MAP3K3: variants seen among roughly 807,000 people sequenced by gnomAD.
MAP3K3 encodes MAP/ERK kinase kinase 3.
In MAP3K3, 12 loss-of-function variants were observed where a neutral mutation model predicts 80.9. That is an observed-to-expected ratio of 0.15 (90% CI 0.10 to 0.24). The LOEUF (loss-of-function observed/expected upper bound fraction) is 0.24. Ranked by LOEUF, MAP3K3 falls within the 10% of genes least tolerant of loss-of-function variation. The pLI is 1.00. For missense variants in MAP3K3, 596 were observed against 834.7 expected (o/e 0.71, Z 3.52); for synonymous variants, 272 against 307.1 (o/e 0.89, Z 1.19).
chr17:63,650,696 G>GAGAGAGAGAGA (rs752583799), intron 3 of MAP3K3, among the ~76,000 whole-genome samples: 2 of 112,484 alleles, frequency 1.8e-5, no homozygotes, highest in African/African-American at 7.4e-5. Context: ...GAGAGAGAGA[G>GAGAGAGAGAGA]TTTTTTTTTT....
intron 2 of MAP3K3, among the ~76,000 whole-genome samples, chr17:63,641,124 CTT>C (rs2034432971): frequency 6.6e-6 from 1 of 152,226 alleles, no homozygotes; most frequent in Admixed American, 6.5e-5. Context: ...GTTCTAATCA[CTT>C]TACCCAATTA....
intron 6 of MAP3K3, among the ~76,000 whole-genome samples, chr17:63,672,283 CAA>C (rs150268322): frequency 4.5e-4 from 21 of 46,550 alleles, no homozygotes; most frequent in Admixed American, 8.6e-4. Context: ...AACTCCATCT[CAA>C]AAAAAAAAAA....
intron 2 of MAP3K3, chr17:63,636,950 A>AG (rs2034339111): frequency 1.7e-6 from 1 of 592,264 alleles, no homozygotes; most frequent in Non-Finnish European, 3.2e-6. Flanking sequence ...GGGCTGGTCT[A>AG]GGGGGGCCTC....
In MAP3K3 at chr17:63,691,308, G is replaced by A. The variant is rs2035585814; in HGVS notation, c.1344+75G>A. 6.3e-7 allele frequency: 1 copy of A among 1,597,118 alleles called. No individual in the cohort carries two copies. Among genetic ancestry groups the A allele is most frequent in the Non-Finnish European group, 8.6e-7 (1 of 1,169,244 alleles). ...CTGGGGGCTGGGGCCTGCAGGAGGG[G>A]GGTCACCTTGGATAGGAGTTTGAAC... On this transcript the variant is annotated intron_variant, in intron 13 of 15. Transcript: ENST00000361733. The surrounding 1 kb of genome is among the most constrained non-coding windows in gnomAD (Gnocchi z 4.8).
intron 3 of MAP3K3, among the ~76,000 whole-genome samples, chr17:63,648,270 A>T (rs1012064701): frequency 2.6e-5 from 4 of 152,202 alleles, no homozygotes; most frequent in Non-Finnish European, 5.9e-5. Context: ...AATGCAGAAG[A>T]ATTTATCTCT....
In MAP3K3 at chr17:63,681,803, C is replaced by T. The variant is rs2035343250; in HGVS notation, c.540C>T (p.Gly180=). 2 of 1,545,244 alleles carry T rather than the reference C, an allele frequency of 1.3e-6. No individual in the cohort carries two copies. Among genetic ancestry groups the T allele is most frequent in the African/African-American group, 1.4e-5 (1 of 72,228 alleles). ...QNPGRSSPPP[G]YVPERQQHIA... The stretch of plus-strand genomic sequence containing the variant: ...CTGGCCGAAGCTCACCTCCCCCTGG[C>T]TATGTTCCTGAGCGGCAGCAGCACA... Residue 180 remains glycine (G), a synonymous_variant, in exon 7 of 16, where the codon GGC becomes GGT. Transcript: ENST00000361733.
In MAP3K3 at chr17:63,694,155, T is replaced by C. The variant is rs923635801; in HGVS notation, c.*378T>C. ...ACTGACGCCAGGGTATGAAGAGTGTTATTTTCATTCAAAGTGTTATTTTGT... is the reference window on the plus strand; with the variant it reads ...ACTGACGCCAGGGTATGAAGAGTGTCATTTTCATTCAAAGTGTTATTTTGT... On this transcript the variant is annotated 3_prime_UTR_variant, in exon 16 of 16. Transcript: ENST00000361733. 3 of 180,832 alleles carry C rather than the reference T, an allele frequency of 1.7e-5. No individual in the cohort carries two copies. In the East Asian group the frequency reaches 4.3e-4, roughly 26 times the overall value. The allele number at this position is 180,832 out of a possible 1,614,324, so 11.2% of individuals were successfully genotyped here. A position where few individuals can be genotyped will look rare whatever the true frequency, so the allele number is the denominator to read the frequency against.
Position 63,634,792 on chromosome 17 carries a change from G to T in MAP3K3, c.126+1990G>T, listed in dbSNP as rs1410430658. On this transcript the variant is annotated intron_variant, in intron 2 of 15. Transcript: ENST00000361733. ...CATGTGCAGGGGCCAGTGAGAAAAA[G>T]AAATTTTTGGTAAGGATCCAGATTA... 3.7e-6 allele frequency: 6 copies of T among 1,613,666 alleles called. No homozygotes were observed. The highest frequency in any genetic ancestry group is 4.2e-6 in the Non-Finnish European group (5 of 1,179,934).
Position 63,691,661 on chromosome 17 carries a change from G to C in MAP3K3, c.1345-72G>C. On this transcript the variant is annotated intron_variant, in intron 13 of 15. Transcript: ENST00000361733. This position sits in a 1 kb window ranked among gnomAD's most constrained non-coding sequence, Gnocchi z 4.8. ...AAATCACTCCTTTGCTGCCATGCTG[G>C]GGGCTGGAATGGGCTTGCCCCTCCA... The C allele has an allele frequency of 6.4e-7, 1 of 1,565,016 alleles. No homozygotes were observed. Among genetic ancestry groups the C allele is most frequent in the Non-Finnish European group, 8.7e-7 (1 of 1,150,288 alleles).
intron 5 of MAP3K3, among the ~76,000 whole-genome samples, chr17:63,664,312 T>C (rs1408901645): frequency 6.6e-6 from 1 of 151,034 alleles, no homozygotes; most frequent in Non-Finnish European, 1.5e-5. Flanking sequence ...GTAAATTTAA[T>C]TAAATCACCT....
chr17:63,693,621 C>T lies in MAP3K3; in HGVS notation c.1725C>T (p.Ala575=), dbSNP rs1470398886. Residue 575 remains alanine (A), a synonymous_variant, in exon 16 of 16, where the codon GCC becomes GCT. Transcript: ENST00000361733. The surrounding 1 kb of genome is among the most constrained non-coding windows in gnomAD (Gnocchi z 4.2). ...PPWAEYEAMA[A]IFKIATQPTN... is the part of the protein sequence containing the mutation. Reference sequence around the variant, plus strand: ...GGGCAGAGTATGAAGCTATGGCCGCCATCTTCAAGATTGCCACCCAGCCCA... The same window carrying T: ...GGGCAGAGTATGAAGCTATGGCCGCTATCTTCAAGATTGCCACCCAGCCCA... 1 of 1,610,444 alleles carries T rather than the reference C, an allele frequency of 6.2e-7. No homozygotes were observed. The highest frequency in any genetic ancestry group is 1.7e-4 in the Middle Eastern group (1 of 6,040).
chr17:63,669,472 C>CTTT (rs535427198), intron 6 of MAP3K3, among the ~76,000 whole-genome samples: 1 of 145,772 alleles, frequency 6.9e-6, no homozygotes, highest in African/African-American at 2.5e-5. Flanking sequence ...ATTATGTTGT[C>CTTT]TTTTTTTTTT....
intron 3 of MAP3K3, among the ~76,000 whole-genome samples, chr17:63,649,732 A>G (rs1216026254): frequency 6.6e-6 from 1 of 152,236 alleles, no homozygotes; most frequent in Non-Finnish European, 1.5e-5. Flanking sequence ...AGTTTAATCA[A>G]TTTAAATTTA....
Position 63,690,315 on chromosome 17 carries a change from C to G in MAP3K3, c.1115C>G (p.Ala372Gly), listed in dbSNP as rs759352927. Residue 372 changes from alanine to glycine, a missense_variant, in exon 12 of 16, where the codon GCC becomes GGC. Coordinates refer to ENST00000361733, the MANE Select transcript of MAP3K3 (RefSeq NM_002401.5). ...CGGGGAAAGCTCCTGGGCCAGGGTG[C>G]CTTCGGCAGGGTCTATTTGTGCTAT... ...WRRGKLLGQG[A>G]FGRVYLCYDV... is the part of the protein sequence containing the mutation. 6.2e-7 allele frequency: 1 copy of G among 1,614,184 alleles called. No homozygotes were observed. The highest frequency in any genetic ancestry group is 1.1e-5 in the South Asian group (1 of 91,080).
intron 6 of MAP3K3, among the ~76,000 whole-genome samples, chr17:63,673,251 T>C (rs1223916564): frequency 1.3e-5 from 2 of 152,210 alleles, no homozygotes; most frequent in South Asian, 2.1e-4. Context: ...TAAACACAGA[T>C]AAAATCTTTC....
At chr17:63,649,576 G>A (rs1385452163) in intron 3 of MAP3K3, among the ~76,000 whole-genome samples, 1 of 152,158 alleles carries the variant, frequency 6.6e-6, no homozygotes, top group African/African-American at 2.4e-5. Flanking sequence ...CACTGCCATA[G>A]CCAGGTAATT....
At chr17:63,683,022 G>A (rs1381592508) in intron 7 of MAP3K3, among the ~76,000 whole-genome samples, 2 of 152,218 alleles carry the variant, frequency 1.3e-5, no homozygotes, top group Admixed American at 1.3e-4. Context: ...CCAAGCATGA[G>A]ATCTCTAGCT....
intron 8 of MAP3K3, among the ~76,000 whole-genome samples, chr17:63,686,111 A>T (rs905090428): frequency 6.6e-6 from 1 of 152,136 alleles, no homozygotes; most frequent in African/African-American, 2.4e-5. Flanking sequence ...TTACATACCA[A>T]ATCGCAAGGG....
intron 6 of MAP3K3, among the ~76,000 whole-genome samples, chr17:63,678,415 C>G (rs1390011849): frequency 6.6e-6 from 1 of 152,176 alleles, no homozygotes; most frequent in Non-Finnish European, 1.5e-5. Context: ...GGCTCAGATA[C>G]CACTTTATCT....
Sources: gnomAD v4.1 joint callset for allele counts (sites outside exome capture counted in the v4.1 genomes callset) on GRCh38, gnomAD v4.1.1 for gene constraint, Gnocchi (gnomAD v3.1) non-coding constraint, MANE v1.5 for transcripts, NCBI Gene and HGNC (gene_info 2026-07-23, HGNC 2026-07-21) for gene names.